The following SPATS1 variants were observed in gnomAD, a reference collection of about 807,000 sequenced individuals.
The protein encoded by SPATS1 is spermatogenesis associated serine rich 1, also known as spermatogenesis-associated serine-rich protein 1.
SPATS1 carries 23 observed loss-of-function variants against 33.6 expected under a neutral mutation model. The observed-to-expected ratio is 0.68, with a 90% CI of 0.49 to 0.97. The LOEUF (loss-of-function observed/expected upper bound fraction) is 0.97. Ranked by LOEUF, SPATS1 falls within the 50% of genes least tolerant of loss-of-function variation. The pLI is 0.00. For synonymous variants in SPATS1, 131 were observed against 125.6 expected (o/e 1.04, Z -0.29); for missense variants, 327 against 361.0 (o/e 0.91, Z 0.76).
At position 44,361,842 on chromosome 6, in the gene SPATS1, C is replaced by T. The variant is rs145942181; in HGVS notation, c.424C>T (p.Arg142Cys). The T allele has an allele frequency of 1.8e-3, 2,860 of 1,614,206 alleles. 5 individuals carry two copies. Among genetic ancestry groups the T allele is most frequent in the South Asian group, 2.4e-3 (219 of 91,078 alleles). Residue 142 changes from arginine (R) to cysteine (C), a missense_variant, in exon 5 of 9, where the codon CGT (arginine) becomes TGT (cysteine). Coordinates refer to ENST00000674044, the MANE Select transcript of SPATS1 (RefSeq NM_001372081.1). ...LLKLQTKDGH[R>C]PEWTFYPRFS... Reference sequence around the variant, plus strand: ...CTGGTGTATTGCAGAAGATGGGCATCGTCCTGAGTGGACATTTTACCCAAG... The same window carrying T: ...CTGGTGTATTGCAGAAGATGGGCATTGTCCTGAGTGGACATTTTACCCAAG...
chr6:44,373,201 G>A (rs1789731935), intron 7 of SPATS1, among the ~76,000 whole-genome samples: 1 of 152,006 alleles, frequency 6.6e-6, no homozygotes, highest in Admixed American at 6.5e-5. Flanking sequence ...TTGGATCTTC[G>A]GCTCCTCAAA....
intron 5 of SPATS1, among the ~76,000 whole-genome samples, chr6:44,364,127 T>A (rs1020129731): frequency 1.2e-4 from 19 of 152,354 alleles, no homozygotes; most frequent in Middle Eastern, 3.4e-3. Context: ...TCAAAGCAAA[T>A]TTCAGACATC....
At chr6:44,360,932 AC>A (rs1788881639) in intron 4 of SPATS1, among the ~76,000 whole-genome samples, 3 of 152,218 alleles carry the variant, frequency 2.0e-5, no homozygotes, top group African/African-American at 7.2e-5. Context: ...ATACACGTGT[AC>A]ATATATAGAT....
chr6:44,369,044 C>T (rs1324659185), intron 6 of SPATS1, among the ~76,000 whole-genome samples: 1 of 151,872 alleles, frequency 6.6e-6, no homozygotes, highest in Non-Finnish European at 1.5e-5. Context: ...CTACAGGTGC[C>T]CGCCACCACA....
chr6:44,354,969 C>G (rs547422300), intron 3 of SPATS1, among the ~76,000 whole-genome samples: 1 of 152,256 alleles, frequency 6.6e-6, no homozygotes, highest in Non-Finnish European at 1.5e-5. Context: ...TGTGTGCAAC[C>G]ATGCCCAACT....
At chr6:44,347,123 A>G (rs543728308) in intron 2 of SPATS1, among the ~76,000 whole-genome samples, 1 of 152,250 alleles carries the variant, frequency 6.6e-6, no homozygotes, top group African/African-American at 2.4e-5. Flanking sequence ...CTAACGCAAA[A>G]ATGGAAAACC....
At chr6:44,364,763 CTTT>C (rs377603243) in intron 5 of SPATS1, among the ~76,000 whole-genome samples, 2 of 150,006 alleles carry the variant, frequency 1.3e-5, no homozygotes, top group Non-Finnish European at 3.0e-5. Context: ...TTCTTTCTTT[CTTT>C]TTCTTTTTCT....
chr6:44,365,260 C>T (rs1009731702), intron 5 of SPATS1, among the ~76,000 whole-genome samples: 19 of 152,206 alleles, frequency 1.2e-4, no homozygotes, highest in African/African-American at 4.1e-4. Flanking sequence ...GTGGAGTTCC[C>T]TAAAGGCCTA....
At chr6:44,362,073 G>C (rs1788956635) in intron 5 of SPATS1, 81 bp downstream of exon 5, 5 of 1,553,534 alleles carry the variant, frequency 3.2e-6, no homozygotes. Context: ...GCATTCTGTA[G>C]CTGGGGGCAG....
At chr6:44,368,545 A>G in intron 6 of SPATS1, 46 bp downstream of exon 6, 1 of 1,557,492 alleles carries the variant, frequency 6.4e-7, no homozygotes, top group Non-Finnish European at 8.8e-7. Context: ...CTTTAAAGGA[A>G]TTGTGTCTCT....
intron 5 of SPATS1, among the ~76,000 whole-genome samples, chr6:44,367,616 C>A (rs1226321275): frequency 6.6e-6 from 1 of 152,210 alleles, no homozygotes; most frequent in East Asian, 1.9e-4. Context: ...AGCCACGTGT[C>A]CCTGCTTCTG....
chr6:44,348,153 C>T lies in SPATS1; in HGVS notation c.140-4573C>T, dbSNP rs563646836. On this transcript the variant is annotated intron_variant, in intron 2 of 8. Transcript: ENST00000674044. ...CCTCCTGAGTAACGGGGATTACAGG[C>T]GTGCACCACCATGCCCGGCTGATTT... Among the ~76,000 whole-genome samples the T allele has an allele frequency of 3.8e-4, 58 of 152,036 alleles. 1 individual carries two copies. The East Asian group carries it at 0.011, about 28-fold the overall frequency.
At chr6:44,345,449 G>T (rs1787816781) in intron 2 of SPATS1, among the ~76,000 whole-genome samples, 1 of 152,074 alleles carries the variant, frequency 6.6e-6, no homozygotes, top group East Asian at 1.9e-4. Context: ...CGCTGCTTAG[G>T]GAAATGCAGT....
chr6:44,361,198 C>G (rs1480334152), intron 4 of SPATS1: 7 of 332,158 alleles, frequency 2.1e-5, no homozygotes, highest in Non-Finnish European at 3.0e-5. Flanking sequence ...TCAAGCACCC[C>G]TAGAGCTACT....
chr6:44,355,776 A>T (rs1375284689), intron 3 of SPATS1, among the ~76,000 whole-genome samples: 1 of 152,212 alleles, frequency 6.6e-6, no homozygotes, highest in Non-Finnish European at 1.5e-5. Flanking sequence ...CATAATTCTT[A>T]AGCTCTGCCT....
chr6:44,357,850 C>G (rs980210580), intron 3 of SPATS1, among the ~76,000 whole-genome samples: 1 of 152,192 alleles, frequency 6.6e-6, no homozygotes, highest in Non-Finnish European at 1.5e-5. Context: ...AACGTGTGAT[C>G]TGAGCTGAGC....
In SPATS1 at chr6:44,377,259, C is replaced by T. The variant is rs928651894; in HGVS notation, c.*196C>T. Reference sequence around the variant, plus strand: ...GTTGCAAGAATTGTACAACAAACACCTGCATATCCTTCACATAGATTCTAT... The same window carrying T: ...GTTGCAAGAATTGTACAACAAACACTTGCATATCCTTCACATAGATTCTAT... On this transcript the variant is annotated 3_prime_UTR_variant, in exon 9 of 9. Transcript: ENST00000674044. The T allele has an allele frequency of 1.3e-5, 8 of 614,304 alleles. No homozygotes were observed. The South Asian group carries it at 1.6e-4, about 12-fold the overall frequency. The allele number at this position is 614,304 out of a possible 1,614,324, so 38.1% of individuals were successfully genotyped here.
At chr6:44,347,543 T>A (rs747273188) in intron 2 of SPATS1, among the ~76,000 whole-genome samples, 1 of 152,364 alleles carries the variant, frequency 6.6e-6, no homozygotes, top group East Asian at 1.9e-4. Flanking sequence ...TGGTATCTTC[T>A]TGGCAATAAC....
At chr6:44,350,517 C>T (rs1273279357) in intron 2 of SPATS1, among the ~76,000 whole-genome samples, 2 of 152,140 alleles carry the variant, frequency 1.3e-5, no homozygotes, top group African/African-American at 4.8e-5. Flanking sequence ...ATAGGCCTTG[C>T]GCCATGTCCT....
Sources: allele counts gnomAD v4.1 joint callset (sites outside exome capture counted in the v4.1 genomes callset), GRCh38; gene constraint gnomAD v4.1.1; transcripts MANE v1.5; gene names NCBI Gene and HGNC (gene_info 2026-07-23, HGNC 2026-07-21).